NUDC: variants seen among roughly 807,000 people sequenced by gnomAD.
NUDC encodes the protein nuclear distribution C, dynein complex regulator.
Under a neutral mutation model 45.0 loss-of-function variants are expected in NUDC, and 14 were observed. The ratio of observed to expected loss-of-function variants is 0.31; its 90% CI spans 0.21 to 0.49. The LOEUF (loss-of-function observed/expected upper bound fraction) is 0.49, where lower values mean the gene tolerates loss of function less well. Ranked by LOEUF, NUDC falls within the 20% of genes least tolerant of loss-of-function variation. NUDC has a pLI of 0.99. For missense variants in NUDC, 323 were observed against 426.2 expected, an observed-to-expected ratio of 0.76 and a Z score of 2.13; for synonymous variants, 153 against 156.7, an observed-to-expected ratio of 0.98 and a Z score of 0.17.
intron 3 of NUDC, chr1:26,913,998 C>T: frequency 2.3e-6 from 3 of 1,325,642 alleles, no homozygotes; most frequent in Admixed American, 2.7e-5. Context: ...GCTGTGGGTG[C>T]TATTTATATT....
intron 2 of NUDC, 151 bp downstream of exon 2, chr1:26,924,317 A>G: frequency 1.4e-6 from 1 of 717,670 alleles, no homozygotes; most frequent in Non-Finnish European, 2.5e-6. Context: ...TCATTTCTTC[A>G]AGCTCCACTC....
chr1:26,941,902 C>T, intron 4 of NUDC, 84 bp downstream of exon 4: 1 of 1,317,894 alleles, frequency 7.6e-7, no homozygotes, highest in East Asian at 2.4e-5. Flanking sequence ...CTCTGGAATA[C>T]CCTTCCTTAT....
upstream of NUDC, among the ~76,000 whole-genome samples, chr1:26,918,274 T>C (rs2082071853): frequency 6.8e-6 from 1 of 146,632 alleles, no homozygotes; most frequent in African/African-American, 2.5e-5. Flanking sequence ...AGGGTTCAAG[T>C]GATTCTTTTT....
chr1:26,922,111 A>G, intron 1 of NUDC, 182 bp downstream of exon 1: 1 of 641,122 alleles, frequency 1.6e-6, no homozygotes. Flanking sequence ...GGTTCGCATC[A>G]GTCCCGGGCC....
intron 3 of NUDC, among the ~76,000 whole-genome samples, chr1:26,916,332 A>C (rs545765322): frequency 1.3e-5 from 2 of 151,872 alleles, no homozygotes; most frequent in East Asian, 3.9e-4. Flanking sequence ...GGCTACAGTG[A>C]GTTATGACTG....
At chr1:26,906,828 G>C (rs1188792645) in intron 2 of NUDC, among the ~76,000 whole-genome samples, 1 of 152,144 alleles carries the variant, frequency 6.6e-6, no homozygotes, top group African/African-American at 2.4e-5. Flanking sequence ...CAGCCTGGGC[G>C]AATGAGCAAG....
intron 2 of NUDC, among the ~76,000 whole-genome samples, chr1:26,933,493 A>G (rs2082200320): frequency 6.6e-6 from 1 of 151,904 alleles, no homozygotes; most frequent in South Asian, 2.1e-4. Context: ...GGCTCACTGC[A>G]ACCTCTGCCT....
chr1:26,907,222 C>A (rs2082006374), intron 2 of NUDC, among the ~76,000 whole-genome samples: 9 of 152,278 alleles, frequency 5.9e-5, no homozygotes, highest in Admixed American at 5.9e-4. Flanking sequence ...CCTAGCAAAA[C>A]CCTGTTCATT....
At chr1:26,934,484 C>T (rs2082210424) in intron 2 of NUDC, among the ~76,000 whole-genome samples, 1 of 152,128 alleles carries the variant, frequency 6.6e-6, no homozygotes, top group African/African-American at 2.4e-5. Flanking sequence ...CCCGCCAAAT[C>T]TCATGTCTTC....
At position 26,945,339 on chromosome 1, in the gene NUDC, C is replaced by G. The variant is rs1274063209; in HGVS notation, c.742-51C>G. On this transcript the variant is annotated intron_variant, in intron 6 of 8. Coordinates refer to ENST00000321265, the MANE Select transcript of NUDC (RefSeq NM_006600.4). ...GTTGTGAAAGGGTTAAGGGGTGATT[C>G]CTGGTGCACAGAGCAGGCCACCTCC... is the stretch of plus-strand genomic sequence containing the variant. 5 of 1,477,908 alleles carry G rather than the reference C, an allele frequency of 3.4e-6. No homozygotes were observed. In the South Asian group the frequency reaches 3.4e-5, roughly 10 times the overall value. The allele number at this position is 1,477,908 out of a possible 1,614,324, so 91.5% of individuals were successfully genotyped here.
intron 3 of NUDC, among the ~76,000 whole-genome samples, chr1:26,916,641 A>G (rs1274958611): frequency 1.3e-5 from 2 of 152,110 alleles, no homozygotes; most frequent in South Asian, 4.1e-4. Context: ...GAAAGCATGA[A>G]GTAGGCACTA....
At position 26,945,717 on chromosome 1, in the gene NUDC, C is replaced by T. The variant is rs760954568; in HGVS notation, c.944+31C>T. Reference sequence around the variant, plus strand: ...CAATTCAGAGACGGGGTTGGGGGACCGTGGGTGCCTGGGGGCTTAGACTTC... The same window carrying T: ...CAATTCAGAGACGGGGTTGGGGGACTGTGGGTGCCTGGGGGCTTAGACTTC... On this transcript the variant is annotated intron_variant, in intron 8 of 8. Coordinates refer to ENST00000321265, the MANE Select transcript of NUDC (RefSeq NM_006600.4). 14 of 1,538,498 alleles carry T rather than the reference C, an allele frequency of 9.1e-6. No individual in the cohort carries two copies. The African/African-American group carries it at 9.5e-5, about 10-fold the overall frequency.
intron 2 of NUDC, among the ~76,000 whole-genome samples, chr1:26,909,721 T>C (rs17162330): frequency 0.16 from 23,691 of 152,012 alleles, 1,992 homozygotes; most frequent in African/African-American, 0.21. Context: ...TGGTCTCATG[T>C]GTCTACAAGG....
chr1:26,920,697 G>T (rs1468751002), upstream of NUDC, among the ~76,000 whole-genome samples: 1 of 151,062 alleles, frequency 6.6e-6, no homozygotes, highest in African/African-American at 2.4e-5. Context: ...TGAGGCAGGA[G>T]GAGTGCTTGA....
intron 4 of NUDC, 26 bp downstream of exon 4, chr1:26,941,844 A>T: frequency 3.1e-6 from 5 of 1,610,000 alleles, no homozygotes; most frequent in South Asian, 1.1e-5. Context: ...GGGACTTGGG[A>T]TGAGCCAGGA....
upstream of NUDC, among the ~76,000 whole-genome samples, chr1:26,919,931 G>A (rs1253737889): frequency 1.3e-5 from 2 of 152,190 alleles, no homozygotes; most frequent in Admixed American, 1.3e-4. Flanking sequence ...GGATGGGCCC[G>A]TGCAAGTGCA....
intron 1 of NUDC, 198 bp downstream of exon 1, chr1:26,922,127 C>T: frequency 1.6e-6 from 1 of 613,432 alleles, no homozygotes; most frequent in Non-Finnish European, 2.9e-6. Flanking sequence ...GGGCCCCCGG[C>T]GCCCCTCAGT....
At chr1:26,939,451 C>T (rs2082260043) in intron 2 of NUDC, among the ~76,000 whole-genome samples, 1 of 152,002 alleles carries the variant, frequency 6.6e-6, no homozygotes, top group African/African-American at 2.4e-5. Flanking sequence ...CATGGCAAAA[C>T]CTTGTCTCTA....
chr1:26,908,573 G>A (rs963277595), intron 2 of NUDC, among the ~76,000 whole-genome samples: 1 of 151,958 alleles, frequency 6.6e-6, no homozygotes, highest in Non-Finnish European at 1.5e-5. Flanking sequence ...TTTTTTATTT[G>A]TTTTGAGACA....
Sources: gnomAD v4.1 joint callset for allele counts (sites outside exome capture counted in the v4.1 genomes callset) on GRCh38, gnomAD v4.1.1 for gene constraint, MANE v1.5 for transcripts, NCBI Gene and HGNC (gene_info 2026-07-23, HGNC 2026-07-21) for gene names.